UBAC2: variants seen among roughly 807,000 people sequenced by gnomAD.
UBAC2 encodes UBA domain containing 2, also known as ubiquitin-associated domain-containing protein 2.
UBAC2 carries 26 observed loss-of-function variants against 44.0 expected under a neutral mutation model. The ratio of observed to expected loss-of-function variants is 0.59; its 90% confidence interval spans 0.43 to 0.82. The LOEUF is 0.82. Ranked by LOEUF, UBAC2 falls within the 40% of genes least tolerant of loss-of-function variation. The pLI is 0.00. For synonymous variants in UBAC2, 155 were observed against 154.3 expected (o/e 1.00, Z -0.04); for missense variants, 329 against 419.4 (o/e 0.78, Z 1.88).
At chr13:99,321,928 A>C (rs1390177080) in intron 6 of UBAC2, among the ~76,000 whole-genome samples, 1 of 152,100 alleles carries the variant, frequency 6.6e-6, no homozygotes. Flanking sequence ...GGTGAGGGGG[A>C]TTCTCTTGTA....
intron 1 of UBAC2, among the ~76,000 whole-genome samples, chr13:99,224,042 T>C (rs2043083463): frequency 6.6e-6 from 1 of 152,192 alleles, no homozygotes; most frequent in Admixed American, 6.5e-5. Flanking sequence ...CTTACTGATT[T>C]TACTGGTCAG....
At chr13:99,365,667 T>C (rs2045320553) in intron 7 of UBAC2, among the ~76,000 whole-genome samples, 1 of 152,214 alleles carries the variant, frequency 6.6e-6, no homozygotes, top group Non-Finnish European at 1.5e-5. Context: ...GAATATTTCA[T>C]ATAGGATCTA....
rs1466433869 is a variant in UBAC2 at position 99,385,294 on chromosome 13, A to G, written c.994A>G (p.Asn332Asp). The stretch of plus-strand genomic sequence containing the variant: ...TTTGGAAGCCCTGAGAGCTTCAAAC[A>G]ATGACCTCAATGTCGCCACCAACTT... ...DALEALRASN[N>D]DLNVATNFLL... Residue 332 changes from asparagine (N) to aspartate (D), a missense_variant, in exon 9 of 9, where the codon AAT (asparagine) becomes GAT (aspartate). Physicochemically the swap from Asn to Asp is conservative, Grantham distance 23. Coordinates refer to ENST00000403766, the MANE Select transcript of UBAC2 (RefSeq NM_001144072.2). 4 of 1,614,168 alleles carry G rather than the reference A, an allele frequency of 2.5e-6. No homozygotes were observed.
chr13:99,295,313 A>G lies in UBAC2; in HGVS notation c.390-18784A>G. ...GAACGAATGTCTTTGGCTACATTCCAGGAAATTAGAGAAACGAAGCTTCTT... is the reference window on the plus strand; with the variant it reads ...GAACGAATGTCTTTGGCTACATTCCGGGAAATTAGAGAAACGAAGCTTCTT... On this transcript the variant is annotated intron_variant, in intron 4 of 8. Transcript: ENST00000403766. This position sits in a 1 kb window ranked among gnomAD's most constrained non-coding sequence, Gnocchi z 4.1. The G allele has an allele frequency of 6.2e-7, 1 of 1,614,186 alleles. No homozygotes were observed. Among genetic ancestry groups the G allele is most frequent in the Non-Finnish European group, 8.5e-7 (1 of 1,180,022 alleles).
chr13:99,244,111 A>G (rs2043352133), intron 3 of UBAC2, among the ~76,000 whole-genome samples, 160 bp downstream of exon 3: 1 of 152,188 alleles, frequency 6.6e-6, no homozygotes, highest in Non-Finnish European at 1.5e-5. Context: ...AACCAAAGAA[A>G]ATTTTAAAAT....
chr13:99,375,334 G>C (rs1267061650), intron 8 of UBAC2, among the ~76,000 whole-genome samples: 1 of 152,020 alleles, frequency 6.6e-6, no homozygotes, highest in African/African-American at 2.4e-5. Context: ...CAGGGAGAGG[G>C]GGGTGGGGGC....
chr13:99,382,435 C>T (rs937841592), intron 8 of UBAC2, among the ~76,000 whole-genome samples: 1 of 152,236 alleles, frequency 6.6e-6, no homozygotes, highest in Non-Finnish European at 1.5e-5. Flanking sequence ...CATGCACAGG[C>T]ACACACAACA....
At chr13:99,201,083 T>G in intron 1 of UBAC2, 144 bp downstream of exon 1, 1 of 1,339,116 alleles carries the variant, frequency 7.5e-7, no homozygotes, top group Non-Finnish European at 9.6e-7. Flanking sequence ...CCCTGCTAGT[T>G]CCCGGTCTTG....
At position 99,318,069 on chromosome 13, in the gene UBAC2, T is replaced by C. The variant is rs896702566; in HGVS notation, c.561T>C (p.Leu187=). 4 of 1,612,484 alleles carry C rather than the reference T, an allele frequency of 2.5e-6. No individual in the cohort carries two copies. The African/African-American group carries it at 5.3e-5, about 22-fold the overall frequency. ...SYIWIVAISG[L]MSGLCYDSKM... is the part of the protein sequence containing the mutation. ...TCTGGATTGTAGCCATAAGTGGACT[T>C]GTAAGTGTGACTACCCTTTTACACC... The change falls in exon 6 of 9, where the codon CTT becomes CTC. Residue 187 remains leucine (L), a splice_region_variant and synonymous_variant. Transcript: ENST00000403766.
intron 1 of UBAC2, among the ~76,000 whole-genome samples, chr13:99,206,388 G>C (rs2042872350): frequency 6.6e-6 from 1 of 152,208 alleles, no homozygotes; most frequent in Admixed American, 6.5e-5. Context: ...GCTTCTGTAG[G>C]AGGAGTTGCG....
chr13:99,318,907 A>G (rs2044531637), intron 6 of UBAC2, among the ~76,000 whole-genome samples: 1 of 151,860 alleles, frequency 6.6e-6, no homozygotes, highest in South Asian at 2.1e-4. Flanking sequence ...TTTTGATGAA[A>G]GTTTTAGCTG....
rs1220417966 is a variant in UBAC2, at chr13:99,274,336, C to CT, written c.389+29722dup. On this transcript the variant is annotated intron_variant, in intron 4 of 8. Transcript: ENST00000403766. ...ATACCACCATCTATCCATTCTACTG[C>CT]TTTTTTTTTTCTTGAGATAGGGTCT... Among the ~76,000 whole-genome samples the CT allele has an allele frequency of 8.3e-3, 1,245 of 149,180 alleles. 12 individuals are homozygous for CT. Among genetic ancestry groups the CT allele is most frequent in the African/African-American group, 0.028 (1,156 of 40,720 alleles).
intron 6 of UBAC2, among the ~76,000 whole-genome samples, chr13:99,331,552 T>C (rs547979978): frequency 2.0e-5 from 3 of 152,268 alleles, no homozygotes; most frequent in African/African-American, 4.8e-5. Context: ...GTATCATTTC[T>C]ATTCCCTCAT....
At chr13:99,249,702 A>G (rs1280277737) in intron 4 of UBAC2, among the ~76,000 whole-genome samples, 1 of 152,160 alleles carries the variant, frequency 6.6e-6, no homozygotes, top group Non-Finnish European at 1.5e-5. Context: ...ACAACAGTGT[A>G]TAAGTTTCCC....
At chr13:99,215,538 GAT>G in intron 1 of UBAC2, 1 of 1,474,006 alleles carries the variant, frequency 6.8e-7, no homozygotes. Context: ...TAAGTCTTTT[GAT>G]GCATTTCCTG....
intron 4 of UBAC2, among the ~76,000 whole-genome samples, chr13:99,253,547 T>A (rs2043488375): frequency 1.3e-5 from 2 of 152,262 alleles, no homozygotes; most frequent in Non-Finnish European, 2.9e-5. Flanking sequence ...GGAGTCTCGC[T>A]TTGTCACCCA....
chr13:99,343,953 G>C (rs943377596), intron 7 of UBAC2, among the ~76,000 whole-genome samples: 6 of 152,142 alleles, frequency 3.9e-5, no homozygotes, highest in African/African-American at 1.2e-4. Context: ...CTTATTATAT[G>C]GTAGGCCTAG....
chr13:99,342,773 A>ATG, intron 7 of UBAC2, among the ~76,000 whole-genome samples: 1 of 151,404 alleles, frequency 6.6e-6, no homozygotes, highest in Admixed American at 6.6e-5. Context: ...TGACCGACCA[A>ATG]CCAGGTGATC....
intron 4 of UBAC2, among the ~76,000 whole-genome samples, chr13:99,290,987 G>A (rs1419916245): frequency 2.0e-5 from 3 of 152,170 alleles, no homozygotes; most frequent in Admixed American, 1.3e-4. Flanking sequence ...GAGGAATGGA[G>A]CTCAGGCTAC....
Sources: gnomAD v4.1 joint callset for allele counts (sites outside exome capture counted in the v4.1 genomes callset) on GRCh38, gnomAD v4.1.1 for gene constraint, Gnocchi (gnomAD v3.1) non-coding constraint, MANE v1.5 for transcripts, NCBI Gene and HGNC (gene_info 2026-07-23, HGNC 2026-07-21) for gene names.